The following CELF2 variants were observed in gnomAD, a reference collection of about 807,000 sequenced individuals.
CELF2 encodes the protein CUG triplet repeat RNA-binding protein 2.
A neutral mutation model predicts 62.6 loss-of-function variants in CELF2; 8 were observed. That is an observed-to-expected ratio of 0.13 (90% CI 0.07 to 0.23). The LOEUF is 0.23. CELF2 is among the 10% of genes least tolerant of loss of function. The pLI, the probability that CELF2 is intolerant of heterozygous loss-of-function variation, is 1.00. For missense variants in CELF2, 333 were observed against 671.0 expected (o/e 0.50, Z 5.56); for synonymous variants, 258 against 250.0 (o/e 1.03, Z -0.30).
intron 2 of CELF2, among the ~76,000 whole-genome samples, chr10:10,940,154 G>A (rs1380176846): frequency 2.0e-5 from 3 of 152,280 alleles, no homozygotes; most frequent in Middle Eastern, 3.4e-3. Context: ...GCACGAGAGA[G>A]CACATAGCTC....
chr10:10,720,389 C>A, the CELF2 span, among the ~76,000 whole-genome samples: 19 of 152,268 alleles, frequency 1.2e-4, no homozygotes, highest in South Asian at 6.2e-4. Flanking sequence ...ATTGCCAGCA[C>A]CCCCTTTGGG....
chr10:11,196,958 CAAAAGA>C (rs2057695232), intron 2 of CELF2, among the ~76,000 whole-genome samples: 2 of 116,136 alleles, frequency 1.7e-5, no homozygotes, highest in African/African-American at 6.2e-5. Context: ...GACTCTGTCT[CAAAAGA>C]AAAAGAAAGA....
chr10:11,042,393 A>ACGGT (rs2061994717), intron 1 of CELF2, among the ~76,000 whole-genome samples: 1 of 152,288 alleles, frequency 6.6e-6, no homozygotes, highest in South Asian at 2.1e-4. Flanking sequence ...AGATGATTGA[A>ACGGT]CGGTCTCTCT....
At chr10:10,864,808 C>T (rs898094782) in intron 1 of CELF2, among the ~76,000 whole-genome samples, 1 of 152,206 alleles carries the variant, frequency 6.6e-6, no homozygotes, top group African/African-American at 2.4e-5. Flanking sequence ...CTTTCATCCC[C>T]ATATTCACAC....
At chr10:10,472,106 A>T in the CELF2 span, among the ~76,000 whole-genome samples, 1 of 151,784 alleles carries the variant, frequency 6.6e-6, no homozygotes, top group African/African-American at 2.4e-5. Flanking sequence ...TTTGACATTC[A>T]TTAAGTTTTC....
chr10:10,908,237 T>TTTTTTTTTG (rs1591776649), intron 1 of CELF2, among the ~76,000 whole-genome samples: 1 of 144,602 alleles, frequency 6.9e-6, no homozygotes, highest in Non-Finnish European at 1.5e-5. Context: ...TTTTTTTTTT[T>TTTTTTTTTG]GAAACAGAGT....
chr10:11,126,370 C>T (rs777180005), intron 1 of CELF2, among the ~76,000 whole-genome samples: 14 of 152,062 alleles, frequency 9.2e-5, no homozygotes, highest in Non-Finnish European at 1.8e-4. Context: ...GAAACACAAC[C>T]CTTGCAAGGT....
chr10:11,186,778 T>C (rs545076624), intron 2 of CELF2, among the ~76,000 whole-genome samples: 2 of 152,276 alleles, frequency 1.3e-5, no homozygotes, highest in Admixed American at 1.3e-4. Flanking sequence ...TATTCAAAAA[T>C]CTGAAAGCAA....
the CELF2 span, among the ~76,000 whole-genome samples, chr10:10,784,148 A>C: frequency 6.6e-6 from 1 of 152,218 alleles, no homozygotes; most frequent in African/African-American, 2.4e-5. Context: ...ACCCCCTTGC[A>C]GGATGAGCAA....
intron 1 of CELF2, among the ~76,000 whole-genome samples, chr10:11,146,656 A>G (rs1432493276): frequency 2.0e-5 from 3 of 152,164 alleles, no homozygotes; most frequent in Non-Finnish European, 4.4e-5. Flanking sequence ...TCTGTCGGTG[A>G]TTTGTTACTA....
chr10:11,055,848 C>T (rs1472224550), intron 1 of CELF2, among the ~76,000 whole-genome samples: 1 of 152,200 alleles, frequency 6.6e-6, no homozygotes, highest in Non-Finnish European at 1.5e-5. Context: ...TCTAAAGGTT[C>T]CTTTTCAGTC....
the CELF2 span, among the ~76,000 whole-genome samples, chr10:10,715,053 C>T: frequency 6.6e-6 from 1 of 152,086 alleles, no homozygotes; most frequent in African/African-American, 2.4e-5. Context: ...ATTTAAAGTT[C>T]AAATTCTAGC....
upstream of CELF2, among the ~76,000 whole-genome samples, chr10:11,001,276 A>G (rs368987398): frequency 8.5e-5 from 13 of 152,288 alleles, no homozygotes; most frequent in African/African-American, 2.9e-4. Flanking sequence ...ATGCCTCCAC[A>G]TTCCTGGATT....
At chr10:11,274,355 C>A (rs1200278600) in intron 7 of CELF2, among the ~76,000 whole-genome samples, 1 of 152,198 alleles carries the variant, frequency 6.6e-6, no homozygotes, top group Non-Finnish European at 1.5e-5. Context: ...TTCTGCATGG[C>A]AGGAAAAATG....
At chr10:10,679,612 T>C in the CELF2 span, among the ~76,000 whole-genome samples, 3 of 152,214 alleles carry the variant, frequency 2.0e-5, no homozygotes, top group Admixed American at 2.0e-4. Context: ...TTTAAAAACC[T>C]TTTTTATCAT....
chr10:10,766,117 G>A, the CELF2 span, among the ~76,000 whole-genome samples: 1 of 152,202 alleles, frequency 6.6e-6, no homozygotes, highest in East Asian at 1.9e-4. Context: ...CTAACTTGGT[G>A]GAAACTAAGA....
chr10:10,689,696 C>T, the CELF2 span, among the ~76,000 whole-genome samples: 1 of 152,112 alleles, frequency 6.6e-6, no homozygotes, highest in African/African-American at 2.4e-5. Context: ...CACCGAAGAA[C>T]CTGGATTAGC....
chr10:10,900,377 T>G (rs916120058), intron 1 of CELF2, among the ~76,000 whole-genome samples: 1 of 152,218 alleles, frequency 6.6e-6, no homozygotes, highest in African/African-American at 2.4e-5. Flanking sequence ...ACATTCCTCA[T>G]AGCCATGTGG....
At position 10,878,589 on chromosome 10, in the gene CELF2, G is replaced by A. The variant is rs189368804; in HGVS notation, c.54-41375G>A. ...AGTGGGCAGGCCTAGACAAGTGGTC[G>A]TACAAATACCCTCCACTTCAGCCTC... On this transcript the variant is annotated intron_variant, in intron 1 of 13. Transcript: ENST00000636488. Among the ~76,000 whole-genome samples the A allele has an allele frequency of 4.4e-4, 67 of 152,214 alleles. No homozygotes were observed. The East Asian group carries it at 7.9e-3, about 18-fold the overall frequency.
Sources: gnomAD v4.1 joint callset for allele counts (sites outside exome capture counted in the v4.1 genomes callset) on GRCh38, gnomAD v4.1.1 for gene constraint, MANE v1.5 for transcripts, NCBI Gene and HGNC (gene_info 2026-07-23, HGNC 2026-07-21) for gene names.